The following RGS9 variants were observed in gnomAD, a reference collection of about 807,000 sequenced individuals.
The protein encoded by RGS9 is regulator of G-protein signalling 9.
In RGS9, 78 loss-of-function variants were observed where a neutral mutation model predicts 102.0. That is an observed-to-expected ratio of 0.76 (90% CI 0.64 to 0.92). The LOEUF (loss-of-function observed/expected upper bound fraction) is 0.92. RGS9 is among the 40% of genes least tolerant of loss of function. RGS9 has a pLI of 0.00. For missense variants in RGS9, 833 were observed against 866.1 expected (o/e 0.96, Z 0.48); for synonymous variants, 353 against 318.6 (o/e 1.11, Z -1.15).
rs1329860300 is a variant in RGS9 at position 65,197,180 on chromosome 17, A to G, written c.915A>G (p.Glu305=). 3 of 1,614,060 alleles carry G rather than the reference A, an allele frequency of 1.9e-6. No homozygotes were observed. The highest frequency in any genetic ancestry group is 1.1e-5 in the South Asian group (1 of 91,024). ...AACGATGGGCCTTCAACTTCAGCGA[A>G]TTGATCCGAGACCCCAAAGGTCGAC... The part of the protein sequence containing the change: ...RVERWAFNFS[E]LIRDPKGRQS... Residue 305 remains glutamate (E), a synonymous_variant, in exon 13 of 19, where the codon GAA becomes GAG. Coordinates refer to ENST00000262406, the MANE Select transcript of RGS9 (RefSeq NM_003835.4).
chr17:65,140,530 C>T (rs944111071), intron 1 of RGS9, among the ~76,000 whole-genome samples: 1 of 152,084 alleles, frequency 6.6e-6, no homozygotes, highest in African/African-American at 2.4e-5. Context: ...CATACGGAGC[C>T]ACTATAGAAA....
In RGS9 at chr17:65,225,064, G is replaced by A. The variant is rs201710688; in HGVS notation, c.1470G>A (p.Pro490=). 44 of 1,613,884 alleles carry A rather than the reference G, an allele frequency of 2.7e-5. No homozygotes were observed. The African/African-American group carries it at 3.2e-4, about 12-fold the overall frequency. Residue 490 remains proline, a synonymous_variant, in exon 18 of 19, where the codon CCG becomes CCA. Coordinates refer to ENST00000262406, the MANE Select transcript of RGS9 (RefSeq NM_003835.4). The part of the protein sequence containing the change: ...LTVYTGTCMP[P]SPSSPFSSSC... ...TGTACACCGGGACCTGCATGCCCCC[G>A]TCTCCTTCTAGCCCCTTCTCCTCCT...
intron 1 of RGS9, among the ~76,000 whole-genome samples, chr17:65,146,416 C>T (rs1037269679): frequency 3.3e-5 from 5 of 151,638 alleles, no homozygotes; most frequent in Admixed American, 6.6e-5. Context: ...GGTGAAACCC[C>T]GTCTCTACTA....
chr17:65,161,708 A>G (rs139889383), intron 6 of RGS9, among the ~76,000 whole-genome samples: 3 of 137,306 alleles, frequency 2.2e-5, no homozygotes, highest in Admixed American at 7.0e-5. Context: ...TTTTATTTAT[A>G]TATTTATTTA....
intron 3 of RGS9, among the ~76,000 whole-genome samples, chr17:65,159,690 T>C (rs541337030): frequency 6.6e-6 from 1 of 152,308 alleles, no homozygotes; most frequent in East Asian, 1.9e-4. Flanking sequence ...TAAACAAGGC[T>C]GTGCTTCCGA....
chr17:65,142,695 G>A (rs1464950041), intron 1 of RGS9, among the ~76,000 whole-genome samples: 2 of 150,864 alleles, frequency 1.3e-5, no homozygotes, highest in African/African-American at 4.9e-5. Flanking sequence ...TGATTCTCCT[G>A]CCTCAGCCTC....
At position 65,137,508 on chromosome 17, in the gene RGS9, G is replaced by A. The variant is rs1909952340; in HGVS notation, c.-33G>A. 6.2e-7 allele frequency: 1 copy of A among 1,608,188 alleles called. No individual in the cohort carries two copies. The highest frequency in any genetic ancestry group is 2.2e-5 in the East Asian group (1 of 44,856). On this transcript the variant is annotated 5_prime_UTR_variant, in exon 1 of 19. It adds an upstream start codon to the 5' untranslated region. Coordinates refer to ENST00000262406, the MANE Select transcript of RGS9 (RefSeq NM_003835.4). ...GGGCTTCTCCTCTTGTCTCCCACTG[G>A]TGCTCTGGCTGTGAATCCATCCAGG...
In RGS9 at chr17:65,212,098, G is replaced by A. The variant is rs117273514; in HGVS notation, c.1407+1493G>A. Among the ~76,000 whole-genome samples the A allele has an allele frequency of 4.7e-3, 709 of 152,332 alleles. 5 individuals carry two copies. The highest frequency in any genetic ancestry group is 0.024 in the East Asian group (123 of 5,184). On this transcript the variant is annotated intron_variant, in intron 17 of 18. Transcript: ENST00000262406. ...AGAATCCCATGCTGAAGACTGAATTGCAAGGGAGCAAGTAGAAACACACAA... is the reference window on the plus strand; with the variant it reads ...AGAATCCCATGCTGAAGACTGAATTACAAGGGAGCAAGTAGAAACACACAA...
intron 9 of RGS9, among the ~76,000 whole-genome samples, chr17:65,186,156 T>C (rs1277199806): frequency 6.7e-6 from 1 of 149,680 alleles, no homozygotes; most frequent in East Asian, 2.0e-4. Flanking sequence ...TCACTTTTGG[T>C]TTACATTTTA....
chr17:65,209,484 G>A (rs1913204067), intron 16 of RGS9, among the ~76,000 whole-genome samples: 1 of 152,176 alleles, frequency 6.6e-6, no homozygotes, highest in East Asian at 1.9e-4. Context: ...GAAGTTCTTG[G>A]CTCCAAGCTT....
intron 8 of RGS9, among the ~76,000 whole-genome samples, chr17:65,176,458 A>T (rs1911626750): frequency 6.6e-6 from 1 of 152,166 alleles, no homozygotes. Context: ...GTTTTCCAAG[A>T]TCTTCTGCAC....
chr17:65,177,072 TC>T (rs1911661587), intron 8 of RGS9, among the ~76,000 whole-genome samples: 1 of 148,960 alleles, frequency 6.7e-6, no homozygotes, highest in Non-Finnish European at 1.5e-5. Flanking sequence ...CATCCATCCA[TC>T]CATCCATCCA....
rs1025088140 is a variant in RGS9, at chr17:65,225,321, C to T, written c.1727C>T (p.Ala576Val). Residue 576 changes from alanine to valine, a missense_variant, in exon 18 of 19, where the codon GCC becomes GTC. Ala to Val is a moderately conservative substitution (Grantham distance 64). This residue lies in a region of RGS9 where 320 missense variants were observed against 276.8 expected (regional missense o/e 1.16). Transcript: ENST00000262406. ...PRSRPRAPPK[A>V]RMALSFSRFL... ...AGCCGGCCCAGGGCCCCTCCTAAGGCCCGCATGGCTCTGTCCTTCAGCAGG... is the reference window on the plus strand; with the variant it reads ...AGCCGGCCCAGGGCCCCTCCTAAGGTCCGCATGGCTCTGTCCTTCAGCAGG... 5.6e-6 allele frequency: 9 copies of T among 1,610,584 alleles called. No homozygotes were observed. The Admixed American group carries it at 1.2e-4, about 21-fold the overall frequency.
chr17:65,177,781 C>G lies in RGS9; in HGVS notation c.632C>G (p.Pro211Arg), dbSNP rs145263061. ...TACGGCCTGGACCGAGTGACCAATCCGAATGAAGTCAAGGTAAACCAGGTA... is the reference window on the plus strand; with the variant it reads ...TACGGCCTGGACCGAGTGACCAATCGGAATGAAGTCAAGGTAAACCAGGTA... ...LDYGLDRVTN[P>R]NEVKVNQKQT... is the part of the protein sequence containing the mutation. The change falls in exon 9 of 19, where the codon CCG (proline) becomes CGG (arginine). Residue 211 changes from proline to arginine, a missense_variant. Physicochemically the swap from Pro to Arg is moderately radical, Grantham distance 103 (BLOSUM62 -2). Transcript: ENST00000262406. 5 of 1,614,148 alleles carry G rather than the reference C, an allele frequency of 3.1e-6. No homozygotes were observed. The South Asian group carries it at 5.5e-5, about 18-fold the overall frequency.
chr17:65,139,721 A>G (rs1364585295), intron 1 of RGS9, among the ~76,000 whole-genome samples: 1 of 151,928 alleles, frequency 6.6e-6, no homozygotes, highest in Non-Finnish European at 1.5e-5. Context: ...TCTGTGCACT[A>G]CAGACCTTGC....
chr17:65,161,071 A>G (rs1283904272), intron 6 of RGS9, among the ~76,000 whole-genome samples, 162 bp downstream of exon 6: 3 of 152,244 alleles, frequency 2.0e-5, no homozygotes, highest in South Asian at 2.1e-4. Context: ...AGAAGCAGCT[A>G]GCTGAAGTAA....
chr17:65,161,262 G>GA (rs1555612011), intron 6 of RGS9, among the ~76,000 whole-genome samples: 4 of 151,794 alleles, frequency 2.6e-5, no homozygotes, highest in Non-Finnish European at 5.9e-5. Flanking sequence ...TGTTTTTTTT[G>GA]TTTTTTTGAG....
rs760339565 is a variant in RGS9 at position 65,217,565 on chromosome 17, AGG to A, written c.1407+6961_1407+6962del. ...AATAAAGGAGAAGATGTTGGAAGTA[AGG>A]AGAGTGAGCTGTGTGTGTAGATTAC... On this transcript the variant is annotated intron_variant, in intron 17 of 18. Transcript: ENST00000262406. 3.1e-3 allele frequency among the ~76,000 whole-genome samples: 473 copies of A among 152,314 alleles called. 1 individual carries two copies. Among genetic ancestry groups the A allele is most frequent in the Middle Eastern group, 0.01 (3 of 294 alleles).
At position 65,193,546 on chromosome 17, in the gene RGS9, T is replaced by G; in HGVS notation, c.750T>G (p.Ile250Met). 6.2e-7 allele frequency: 1 copy of G among 1,604,050 alleles called. No homozygotes were observed. Among genetic ancestry groups the G allele is most frequent in the Non-Finnish European group, 8.5e-7 (1 of 1,170,886 alleles). ...TVKSSVSLGG[I>M]VKYSEQFSSN... ...TCATTTTCTGTTTCCTTTTCAGGAT[T>G]GTGAAATACAGTGAGCAGTTCTCAT... Residue 250 changes from isoleucine (I) to methionine (M), a missense_variant, in exon 12 of 19, where the codon ATT becomes ATG. Transcript: ENST00000262406.
Sources: gnomAD v4.1 joint callset for allele counts (sites outside exome capture counted in the v4.1 genomes callset) on GRCh38, gnomAD v4.1.1 for gene constraint, gnomAD v4.1.1 regional missense constraint, MANE v1.5 for transcripts, NCBI Gene and HGNC (gene_info 2026-07-23, HGNC 2026-07-21) for gene names.